Variants in PPARGC1A observed in about 807,000 individuals in gnomAD.
PPARGC1A encodes peroxisome proliferator-activated receptor gamma coactivator 1-alpha.
Under a neutral mutation model 88.7 loss-of-function variants are expected in PPARGC1A, and 25 were observed. The ratio of observed to expected loss-of-function variants is 0.28; its 90% confidence interval spans 0.21 to 0.39. PPARGC1A has a LOEUF of 0.39. Among genes scored for constraint, PPARGC1A ranks in the 10% least tolerant of loss-of-function variants. PPARGC1A has a pLI of 1.00. For synonymous variants in PPARGC1A, 363 were observed against 355.6 expected, an observed-to-expected ratio of 1.02 and a Z score of -0.24; for missense variants, 880 against 968.7, an observed-to-expected ratio of 0.91 and a Z score of 1.22.
the PPARGC1A span, among the ~76,000 whole-genome samples, chr4:23,947,352 GATATATATATAT>G: frequency 1.3e-4 from 10 of 75,850 alleles, no homozygotes; most frequent in African/African-American, 6.1e-4. Context: ...GTTATATAGT[GATATATATATAT>G]ATATATATAT....
chr4:24,359,371 T>C, the PPARGC1A span, among the ~76,000 whole-genome samples: 2 of 152,146 alleles, frequency 1.3e-5, no homozygotes, highest in Non-Finnish European at 2.9e-5. Context: ...TCTGTAAAGA[T>C]GCCTCCACCA....
the PPARGC1A span, among the ~76,000 whole-genome samples, chr4:24,194,016 CTA>C: frequency 6.6e-6 from 1 of 151,886 alleles, no homozygotes; most frequent in African/African-American, 2.4e-5. Flanking sequence ...ATAATCCCAG[CTA>C]CTCAGGAGGC....
chr4:23,956,583 A>G, the PPARGC1A span, among the ~76,000 whole-genome samples: 3 of 152,040 alleles, frequency 2.0e-5, no homozygotes, highest in Non-Finnish European at 4.4e-5. Flanking sequence ...CCCCAAGATC[A>G]TTGACAAACC....
chr4:24,034,424 C>A, the PPARGC1A span, among the ~76,000 whole-genome samples: 122 of 152,206 alleles, frequency 8.0e-4, no homozygotes, highest in African/African-American at 2.8e-3. Flanking sequence ...TTAACACCAA[C>A]TGATGATAAT....
the PPARGC1A span, among the ~76,000 whole-genome samples, chr4:24,452,283 G>A: frequency 1.9e-4 from 25 of 130,930 alleles, no homozygotes; most frequent in South Asian, 4.9e-4. Flanking sequence ...ACACACACAC[G>A]CACACATGCA....
At chr4:24,324,897 C>T in the PPARGC1A span, among the ~76,000 whole-genome samples, 6 of 152,120 alleles carry the variant, frequency 3.9e-5, no homozygotes, top group East Asian at 1.9e-4. Context: ...CTCCCCTCCT[C>T]GCCAGCCCAA....
chr4:24,259,471 A>C, the PPARGC1A span, among the ~76,000 whole-genome samples: 2 of 152,222 alleles, frequency 1.3e-5, no homozygotes, highest in African/African-American at 4.8e-5. Context: ...CATGCCACAG[A>C]ACGACATTTC....
chr4:24,410,064 A>G, the PPARGC1A span, among the ~76,000 whole-genome samples: 1 of 152,224 alleles, frequency 6.6e-6, no homozygotes, highest in African/African-American at 2.4e-5. Context: ...GTACAGCTCT[A>G]TGTAGTGAGT....
rs989403880 is a variant in PPARGC1A at position 23,890,021 on chromosome 4, ACT to A, written c.-66_-65del. ...CAATCCACAGTGACACAGAGCACAC[ACT>A]CATGCAGGCAACCAGCCCCTTACTG... On this transcript the variant is annotated 5_prime_UTR_variant, in exon 1 of 13. The change creates a premature stop within an existing upstream ORF in the 5' untranslated region. Coordinates refer to ENST00000264867, the MANE Select transcript of PPARGC1A (RefSeq NM_013261.5). 6.2e-7 allele frequency: 1 copy of A among 1,606,544 alleles called. No homozygotes were observed. The highest frequency in any genetic ancestry group is 1.3e-5 in the African/African-American group (1 of 74,818).
At chr4:23,902,813 G>GT (rs1719568334), upstream of PPARGC1A, among the ~76,000 whole-genome samples, 1 of 152,178 alleles carries the variant, frequency 6.6e-6, no homozygotes, top group African/African-American at 2.4e-5. Context: ...CATTTATAAT[G>GT]TAGCTTTAGT....
chr4:23,993,951 C>T, the PPARGC1A span, among the ~76,000 whole-genome samples: 1 of 152,034 alleles, frequency 6.6e-6, no homozygotes, highest in African/African-American at 2.4e-5. Flanking sequence ...TTTTTCCATC[C>T]TAAAGGGACT....
the PPARGC1A span, among the ~76,000 whole-genome samples, chr4:24,246,155 GATCA>G: frequency 2.6e-5 from 4 of 152,008 alleles, no homozygotes; most frequent in Non-Finnish European, 5.9e-5. Context: ...AATCTGTTAA[GATCA>G]ATCAAATAAT....
chr4:24,090,232 G>A, the PPARGC1A span, among the ~76,000 whole-genome samples: 2 of 152,166 alleles, frequency 1.3e-5, no homozygotes, highest in Non-Finnish European at 1.5e-5. Context: ...TGGACCCCTG[G>A]AGACCCACCA....
chr4:23,918,868 CTG>C, the PPARGC1A span, among the ~76,000 whole-genome samples: 1 of 152,108 alleles, frequency 6.6e-6, no homozygotes, highest in Non-Finnish European at 1.5e-5. Flanking sequence ...CAAGCGGCCT[CTG>C]TGTCAAGGAT....
chr4:23,954,205 C>T, the PPARGC1A span, among the ~76,000 whole-genome samples: 1 of 151,932 alleles, frequency 6.6e-6, no homozygotes, highest in Non-Finnish European at 1.5e-5. Flanking sequence ...GCAAATTCAC[C>T]AAACTAAATG....
At chr4:23,886,847 CA>C (rs1252439294) in intron 1 of PPARGC1A, among the ~76,000 whole-genome samples, 1 of 113,954 alleles carries the variant, frequency 8.8e-6, no homozygotes, top group African/African-American at 3.2e-5. Flanking sequence ...TTTATAGGGG[CA>C]TAGTCTTTAA....
At chr4:24,145,614 T>C in the PPARGC1A span, among the ~76,000 whole-genome samples, 1 of 152,204 alleles carries the variant, frequency 6.6e-6, no homozygotes, top group African/African-American at 2.4e-5. Context: ...GTAATCCCAT[T>C]TGTAGGAGAG....
the PPARGC1A span, among the ~76,000 whole-genome samples, chr4:24,386,740 G>A: frequency 1.3e-5 from 2 of 152,182 alleles, no homozygotes; most frequent in Non-Finnish European, 2.9e-5. Flanking sequence ...GGAAATAAGA[G>A]AGGACACAAA....
chr4:24,389,952 G>A, the PPARGC1A span, among the ~76,000 whole-genome samples: 1 of 152,296 alleles, frequency 6.6e-6, no homozygotes, highest in East Asian at 1.9e-4. Context: ...GGAAAAACTA[G>A]TTGAGAGTTT....
Sources: allele counts gnomAD v4.1 joint callset (sites outside exome capture counted in the v4.1 genomes callset), GRCh38; gene constraint gnomAD v4.1.1; transcripts MANE v1.5; gene names NCBI Gene and HGNC (gene_info 2026-07-23, HGNC 2026-07-21).